RNF138: variants seen among roughly 807,000 people sequenced by gnomAD.
RNF138 encodes the protein ring finger protein 138.
A neutral mutation model predicts 31.0 loss-of-function variants in RNF138; 12 were observed. That is an observed-to-expected ratio of 0.39 (90% CI 0.25 to 0.63). The LOEUF (loss-of-function observed/expected upper bound fraction) is 0.63. Among genes scored for constraint, RNF138 ranks in the 20% least tolerant of loss-of-function variants. The pLI, the probability that RNF138 is intolerant of heterozygous loss-of-function variation, is 0.52. For missense variants in RNF138, 192 were observed against 300.1 expected, an observed-to-expected ratio of 0.64 and a Z score of 2.66; for synonymous variants, 105 against 99.5, an observed-to-expected ratio of 1.06 and a Z score of -0.33.
At chr18:32,120,176 A>G (rs1024013126) in intron 4 of RNF138, among the ~76,000 whole-genome samples, 1 of 152,174 alleles carries the variant, frequency 6.6e-6, no homozygotes, top group Non-Finnish European at 1.5e-5. Context: ...AATATTTACT[A>G]TAGTTTTTTA....
Position 32,130,092 on chromosome 18 carries a change from TTG to T in RNF138, c.*911_*912del, listed in dbSNP as rs1392344600. 1 of 152,570 alleles carries T rather than the reference TTG, an allele frequency of 6.6e-6. No individual in the cohort carries two copies. The highest frequency in any genetic ancestry group is 1.5e-5 in the Non-Finnish European group (1 of 67,886). 9.5% of individuals were successfully genotyped at this position (152,570 alleles called of 1,614,324 possible). A position where few individuals can be genotyped will look rare whatever the true frequency, so the allele number is the denominator to read the frequency against. ...TAAAGATGTATATATACATATACTTTTGTGTGTATATATACACATATGTGTGT... is the reference window on the plus strand; with the variant it reads ...TAAAGATGTATATATACATATACTTTTGTGTATATATACACATATGTGTGT... On this transcript the variant is annotated 3_prime_UTR_variant, in exon 8 of 8. Transcript: ENST00000261593.
chr18:32,123,704 G>A (rs965196105), intron 5 of RNF138, 130 bp downstream of exon 5: 4 of 541,650 alleles, frequency 7.4e-6, no homozygotes, highest in Non-Finnish European at 1.2e-5. Context: ...CCAGGCTGGA[G>A]TGCAGTGGTG....
At chr18:32,092,477 G>T in intron 1 of RNF138, 1 of 375,534 alleles carries the variant, frequency 2.7e-6, no homozygotes, top group Non-Finnish European at 4.9e-6. Context: ...GGGGTGAGGG[G>T]CGAGCGGGGC....
intron 2 of RNF138, among the ~76,000 whole-genome samples, chr18:32,101,705 A>C (rs2039943655): frequency 6.6e-6 from 1 of 152,184 alleles, no homozygotes; most frequent in Non-Finnish European, 1.5e-5. Context: ...AATTGAGCTA[A>C]TTTACAAAAT....
chr18:32,101,331 A>G (rs773745762), intron 2 of RNF138, among the ~76,000 whole-genome samples: 13 of 150,824 alleles, frequency 8.6e-5, no homozygotes, highest in Non-Finnish European at 1.2e-4. Flanking sequence ...CCATTCTTCT[A>G]CCTCAGTCTT....
chr18:32,101,690 C>T (rs756349926), intron 2 of RNF138, among the ~76,000 whole-genome samples: 69 of 152,018 alleles, frequency 4.5e-4, no homozygotes, highest in Non-Finnish European at 7.8e-4. Context: ...TGTTGCTTTC[C>T]CAAAAATTGA....
At chr18:32,114,300 G>A (rs1199575022) in intron 4 of RNF138, among the ~76,000 whole-genome samples, 2 of 152,052 alleles carry the variant, frequency 1.3e-5, no homozygotes, top group East Asian at 3.9e-4. Context: ...ATGAAACCAG[G>A]TGCAGTGCAG....
At position 32,091,911 on chromosome 18, in the gene RNF138, C is replaced by T. The variant is rs2039694363; in HGVS notation, c.-402C>T. 6.6e-6 allele frequency: 1 copy of T among 152,366 alleles called. No homozygotes were observed. The highest frequency in any genetic ancestry group is 1.5e-5 in the Non-Finnish European group (1 of 68,162). 9.4% of individuals were successfully genotyped at this position (152,366 alleles called of 1,614,324 possible). ...TTGCTATACAGGCCGCACTTCACAC[C>T]CCGTGCCTCCCCGCCTCTCCTGGCT... On this transcript the variant is annotated 5_prime_UTR_variant, in exon 1 of 8. Transcript: ENST00000261593.
At chr18:32,101,393 GTA>G (rs200854903) in intron 2 of RNF138, among the ~76,000 whole-genome samples, 1 of 150,146 alleles carries the variant, frequency 6.7e-6, no homozygotes. Context: ...TAATTTTTGT[GTA>G]TATATATATA....
intron 3 of RNF138, among the ~76,000 whole-genome samples, chr18:32,112,688 A>G (rs12455044): frequency 0.35 from 53,307 of 151,416 alleles, 10,962 homozygotes; most frequent in Admixed American, 0.52. Flanking sequence ...GTCTAAAAAA[A>G]AAGAAGAAGA....
At position 32,130,270 on chromosome 18, in the gene RNF138, T is replaced by C. The variant is rs1056733951; in HGVS notation, c.*1083T>C. ...ATAGTCACAGTGCTAAGTTATCTAG[T>C]TGGCTACTATTACACCTTAAAAATT... On this transcript the variant is annotated 3_prime_UTR_variant, in exon 8 of 8. Transcript: ENST00000261593. The C allele has an allele frequency of 6.6e-6, 1 of 152,408 alleles. No homozygotes were observed. The highest frequency in any genetic ancestry group is 2.4e-5 in the African/African-American group (1 of 41,432). 9.4% of individuals were successfully genotyped at this position (152,408 alleles called of 1,614,324 possible).
At chr18:32,121,066 A>T (rs2040296088) in intron 4 of RNF138, among the ~76,000 whole-genome samples, 1 of 150,442 alleles carries the variant, frequency 6.6e-6, no homozygotes, top group Admixed American at 6.7e-5. Flanking sequence ...ACCCAGGAGG[A>T]GGAGTTTGCA....
At chr18:32,119,347 G>A (rs1180272580) in intron 4 of RNF138, among the ~76,000 whole-genome samples, 1 of 152,162 alleles carries the variant, frequency 6.6e-6, no homozygotes, top group East Asian at 1.9e-4. Flanking sequence ...CAGTCCTCCC[G>A]CCTTGGCCTC....
intron 7 of RNF138, among the ~76,000 whole-genome samples, chr18:32,127,323 T>C (rs2040399786): frequency 2.6e-5 from 4 of 152,118 alleles, no homozygotes. Flanking sequence ...TAAAGCAAAA[T>C]GGATTAATTT....
At chr18:32,097,936 ATG>A (rs2039841063) in intron 2 of RNF138, among the ~76,000 whole-genome samples, 1 of 113,216 alleles carries the variant, frequency 8.8e-6, no homozygotes, top group Non-Finnish European at 1.8e-5. Context: ...GTATATGTGT[ATG>A]TATATATGTG....
At position 32,130,401 on chromosome 18, in the gene RNF138, C is replaced by T. The variant is rs2040454382; in HGVS notation, c.*1214C>T. ...AGAAAGATTCTACCAACCACTGTTT[C>T]ACTACTTTTTAGTTAAAATTGGGTA... On this transcript the variant is annotated 3_prime_UTR_variant, in exon 8 of 8. Transcript: ENST00000261593. The T allele has an allele frequency of 6.6e-6, 1 of 152,268 alleles. No individual in the cohort carries two copies. Among genetic ancestry groups the T allele is most frequent in the African/African-American group, 2.4e-5 (1 of 41,402 alleles). The allele number at this position is 152,268 out of a possible 1,614,324, so 9.4% of individuals were successfully genotyped here. A position where few individuals can be genotyped will look rare whatever the true frequency, so the allele number is the denominator to read the frequency against.
At chr18:32,095,459 A>C (rs576189333) in intron 2 of RNF138, among the ~76,000 whole-genome samples, 1 of 152,296 alleles carries the variant, frequency 6.6e-6, no homozygotes, top group Non-Finnish European at 1.5e-5. Context: ...GGCGTGAGGC[A>C]TGGCACCTGA....
chr18:32,094,607 T>TG (rs1474387020), intron 2 of RNF138, among the ~76,000 whole-genome samples: 2 of 151,230 alleles, frequency 1.3e-5, no homozygotes, highest in African/African-American at 4.9e-5. Flanking sequence ...CCATCTGACA[T>TG]GAAAAAAAAA....
intron 2 of RNF138, among the ~76,000 whole-genome samples, 178 bp from the exon 3 acceptor site, chr18:32,111,576 T>C (rs1331699715): frequency 6.6e-6 from 1 of 152,234 alleles, no homozygotes; most frequent in Non-Finnish European, 1.5e-5. Context: ...AGTCCAGTTA[T>C]CAGTCTTACT....
Sources: allele counts gnomAD v4.1 joint callset (sites outside exome capture counted in the v4.1 genomes callset), GRCh38; gene constraint gnomAD v4.1.1; transcripts MANE v1.5; gene names NCBI Gene and HGNC (gene_info 2026-07-23, HGNC 2026-07-21).